CNTN5: variants seen among roughly 807,000 people sequenced by gnomAD.
CNTN5 encodes the protein contactin-5.
CNTN5 carries 77 observed loss-of-function variants against 129.1 expected under a neutral mutation model. That is an observed-to-expected ratio of 0.60 (90% CI 0.50 to 0.72). The LOEUF is 0.72. CNTN5 is among the 30% of genes least tolerant of loss of function. The pLI, the probability that CNTN5 is intolerant of heterozygous loss-of-function variation, is 0.00. For synonymous variants in CNTN5, 509 were observed against 465.6 expected, an observed-to-expected ratio of 1.09 and a Z score of -1.20; for missense variants, 1,478 against 1,328.8, an observed-to-expected ratio of 1.11 and a Z score of -1.75.
At chr11:99,074,139 C>G (rs1468552650) in intron 1 of CNTN5, among the ~76,000 whole-genome samples, 1 of 152,008 alleles carries the variant, frequency 6.6e-6, no homozygotes, top group Non-Finnish European at 1.5e-5. Flanking sequence ...TGATATCGAG[C>G]TTTTTTTCAT....
chr11:99,827,837 G>A (rs912600918), intron 4 of CNTN5, among the ~76,000 whole-genome samples: 3 of 152,002 alleles, frequency 2.0e-5, no homozygotes, highest in Admixed American at 6.6e-5. Context: ...AAATTTTTAC[G>A]CAGCTCTCTC....
chr11:99,318,518 AG>A (rs1194132335), intron 1 of CNTN5, among the ~76,000 whole-genome samples: 2 of 151,976 alleles, frequency 1.3e-5, no homozygotes, highest in Admixed American at 1.3e-4. Context: ...ATCACATCAT[AG>A]TAATTTCAAA....
chr11:99,627,856 T>C (rs1951186424), intron 3 of CNTN5, among the ~76,000 whole-genome samples: 1 of 151,194 alleles, frequency 6.6e-6, no homozygotes, highest in Non-Finnish European at 1.5e-5. Flanking sequence ...ATTCCCCATA[T>C]CATGCAGATT....
At chr11:99,746,908 C>A (rs1164879547) in intron 3 of CNTN5, among the ~76,000 whole-genome samples, 1 of 152,118 alleles carries the variant, frequency 6.6e-6, no homozygotes, top group South Asian at 2.1e-4. Context: ...TATTCAGGTT[C>A]TTTTGTGGTT....
chr11:99,698,169 T>G (rs1195538818), intron 3 of CNTN5, among the ~76,000 whole-genome samples: 2 of 151,442 alleles, frequency 1.3e-5, no homozygotes, highest in Non-Finnish European at 3.0e-5. Context: ...TCCAAAGTAT[T>G]TTACATTATT....
chr11:99,078,400 C>T (rs1297731497), intron 1 of CNTN5, among the ~76,000 whole-genome samples: 1 of 152,146 alleles, frequency 6.6e-6, no homozygotes, highest in African/African-American at 2.4e-5. Flanking sequence ...ATAGAACTAC[C>T]ATATGATCCA....
chr11:99,393,643 C>T (rs1031618053), intron 2 of CNTN5, among the ~76,000 whole-genome samples: 1 of 151,746 alleles, frequency 6.6e-6, no homozygotes, highest in Admixed American at 6.6e-5. Flanking sequence ...TGTCACTTAC[C>T]ATTCATTTGT....
At chr11:99,565,301 A>T (rs1034963310) in intron 3 of CNTN5, among the ~76,000 whole-genome samples, 5 of 152,130 alleles carry the variant, frequency 3.3e-5, no homozygotes, top group Admixed American at 6.5e-5. Flanking sequence ...AAGAAATGCA[A>T]TTGTCTTAAA....
intron 20 of CNTN5, among the ~76,000 whole-genome samples, chr11:100,303,568 TTTATC>T (rs1433549091): frequency 2.7e-3 from 1 of 366 alleles, no homozygotes; most frequent in African/African-American, 9.8e-3. Context: ...TGTGATGCGC[TTTATC>T]CTTTATCCTT....
chr11:100,111,149 T>A (rs1181105648), intron 13 of CNTN5, among the ~76,000 whole-genome samples: 1 of 152,114 alleles, frequency 6.6e-6, no homozygotes, highest in East Asian at 1.9e-4. Flanking sequence ...AGACTGTTTA[T>A]AAATGACACC....
chr11:99,156,661 A>G (rs1394195480), intron 1 of CNTN5, among the ~76,000 whole-genome samples: 2 of 151,980 alleles, frequency 1.3e-5, no homozygotes, highest in Non-Finnish European at 2.9e-5. Context: ...TATATCTGTT[A>G]ACCTTTTTCT....
chr11:99,549,950 G>C (rs971707695), intron 2 of CNTN5, among the ~76,000 whole-genome samples: 1 of 151,978 alleles, frequency 6.6e-6, no homozygotes, highest in Non-Finnish European at 1.5e-5. Context: ...AAATTATAAA[G>C]TTGACTTGAA....
intron 1 of CNTN5, among the ~76,000 whole-genome samples, chr11:99,067,224 T>C (rs1026545454): frequency 6.6e-6 from 1 of 152,168 alleles, no homozygotes; most frequent in Non-Finnish European, 1.5e-5. Context: ...AAAAGCATTC[T>C]TTTAGTTTTT....
At chr11:99,464,620 A>T (rs1463562660) in intron 2 of CNTN5, among the ~76,000 whole-genome samples, 1 of 152,148 alleles carries the variant, frequency 6.6e-6, no homozygotes, top group Admixed American at 6.5e-5. Context: ...ACATACTCAG[A>T]GTATTTTGGA....
chr11:99,844,908 A>G lies in CNTN5; in HGVS notation c.334A>G (p.Thr112Ala), dbSNP rs368197839. Reference protein sequence around the residue: ...VQEPDDIIFPTDSDEKKVALN... With the variant: ...VQEPDDIIFPADSDEKKVALN... ...AGAACCAGATGATATTATTTTTCCA[A>G]CTGATTCTGATGAAAAGAAGGTAGC... The change falls in exon 5 of 25, where the codon ACT becomes GCT. Residue 112 changes from threonine to alanine, a missense_variant. By Grantham distance (58) the Thr-to-Ala change is moderately conservative. Transcript: ENST00000524871. 5.0e-6 allele frequency: 8 copies of G among 1,613,760 alleles called. No homozygotes were observed. The highest frequency in any genetic ancestry group is 1.7e-5 in the Admixed American group (1 of 60,028).
At chr11:99,450,586 C>A (rs1054063948) in intron 2 of CNTN5, among the ~76,000 whole-genome samples, 1 of 152,038 alleles carries the variant, frequency 6.6e-6, no homozygotes, top group Non-Finnish European at 1.5e-5. Flanking sequence ...CCTGAGGCCA[C>A]CCCACTAACA....
At chr11:100,109,612 G>A (rs1423892407) in intron 13 of CNTN5, among the ~76,000 whole-genome samples, 1 of 152,078 alleles carries the variant, frequency 6.6e-6, no homozygotes, top group African/African-American at 2.4e-5. Context: ...GAAAAAAATT[G>A]TTCTTATTTC....
At chr11:99,188,861 C>G (rs983997734) in intron 1 of CNTN5, among the ~76,000 whole-genome samples, 1 of 151,704 alleles carries the variant, frequency 6.6e-6, no homozygotes, top group Admixed American at 6.6e-5. Context: ...ACATTCTTAG[C>G]AGTTTTCTAC....
At chr11:99,305,016 C>T (rs942305192) in intron 1 of CNTN5, among the ~76,000 whole-genome samples, 22 of 152,150 alleles carry the variant, frequency 1.4e-4, no homozygotes, top group African/African-American at 5.3e-4. Context: ...TTGACTTTCC[C>T]ATGCCTATCC....
Sources: allele counts gnomAD v4.1 joint callset (sites outside exome capture counted in the v4.1 genomes callset), GRCh38; gene constraint gnomAD v4.1.1; transcripts MANE v1.5; gene names NCBI Gene and HGNC (gene_info 2026-07-23, HGNC 2026-07-21).